Variants in MOB3A observed in about 807,000 individuals in gnomAD.
MOB3A encodes the protein MOB kinase activator 3A.
A neutral mutation model predicts 17.8 loss-of-function variants in MOB3A; 17 were observed. That is an observed-to-expected ratio of 0.95 (90% CI 0.65 to 1.43). The LOEUF (loss-of-function observed/expected upper bound fraction) is 1.43, where lower values mean the gene tolerates loss of function less well. Among genes scored for constraint, MOB3A ranks in the 40% most tolerant of loss-of-function variants. MOB3A has a pLI of 0.00. For synonymous variants in MOB3A, 124 were observed against 133.2 expected, an observed-to-expected ratio of 0.93 and a Z score of 0.48; for missense variants, 333 against 310.8, an observed-to-expected ratio of 1.07 and a Z score of -0.54.
chr19:2,083,861 G>T (rs1369724933), intron 2 of MOB3A, among the ~76,000 whole-genome samples: 2 of 152,222 alleles, frequency 1.3e-5, no homozygotes, highest in African/African-American at 2.4e-5. Flanking sequence ...TGGGCTGACT[G>T]CAGCCATGGG....
intron 1 of MOB3A, among the ~76,000 whole-genome samples, chr19:2,091,527 G>T (rs2017613832): frequency 6.6e-6 from 1 of 150,584 alleles, no homozygotes; most frequent in Non-Finnish European, 1.5e-5. Flanking sequence ...GGGATTACAG[G>T]CGCCCGCCAC....
chr19:2,079,225 C>T (rs2017456001), intron 2 of MOB3A, among the ~76,000 whole-genome samples: 1 of 152,270 alleles, frequency 6.6e-6, no homozygotes, highest in Non-Finnish European at 1.5e-5. Context: ...TTCCCCGGTG[C>T]CGATGCCTGG....
intron 2 of MOB3A, among the ~76,000 whole-genome samples, chr19:2,081,317 GT>G (rs1275970355): frequency 6.6e-6 from 1 of 152,230 alleles, no homozygotes; most frequent in Non-Finnish European, 1.5e-5. Context: ...GCCGGGCGTG[GT>G]GGCTCACGCC....
At chr19:2,081,425 T>C (rs529916785) in intron 2 of MOB3A, among the ~76,000 whole-genome samples, 1 of 151,312 alleles carries the variant, frequency 6.6e-6, no homozygotes, top group East Asian at 2.0e-4. Context: ...CCATCTCTAC[T>C]AAAAATACAA....
intron 4 of MOB3A, among the ~76,000 whole-genome samples, chr19:2,075,990 GCAC>G (rs1191427796): frequency 6.6e-6 from 1 of 152,010 alleles, no homozygotes; most frequent in African/African-American, 2.4e-5. Flanking sequence ...GGGTGTGGTG[GCAC>G]GTGCCTGTAA....
In MOB3A at chr19:2,082,546, C is replaced by T. The variant is rs557281623; in HGVS notation, c.-120+2629G>A. On this transcript the variant is annotated intron_variant, in intron 2 of 4. Transcript: ENST00000357066. This position sits in a 1 kb window ranked among gnomAD's most constrained non-coding sequence, Gnocchi z 4.1. ...CCCTGGACTCTGTGGGTGGATCGGC[C>T]GGGTCTCGAACCCTGGACTCTGTGG... Among the ~76,000 whole-genome samples, 1 of 152,030 alleles carries T rather than the reference C, an allele frequency of 6.6e-6. No homozygotes were observed. Among genetic ancestry groups the T allele is most frequent in the Non-Finnish European group, 1.5e-5 (1 of 67,996 alleles).
intron 1 of MOB3A, among the ~76,000 whole-genome samples, chr19:2,094,204 G>A (rs2017644343): frequency 6.6e-6 from 1 of 151,824 alleles, no homozygotes; most frequent in Non-Finnish European, 1.5e-5. Flanking sequence ...CCGCCGCCAC[G>A]CCCGGCTAAT....
chr19:2,085,721 T>C (rs2017544943), intron 1 of MOB3A: 1 of 151,976 alleles, frequency 6.6e-6, no homozygotes, highest in Admixed American at 6.6e-5. Flanking sequence ...ATCCCAGCAC[T>C]CTGGGAGGCC....
chr19:2,096,236 C>T lies in MOB3A; in HGVS notation c.-284G>A, dbSNP rs1484029405. 1 of 155,640 alleles carries T rather than the reference C, an allele frequency of 6.4e-6. No individual in the cohort carries two copies. Among genetic ancestry groups the T allele is most frequent in the African/African-American group, 2.4e-5 (1 of 41,376 alleles). The allele number at this position is 155,640 out of a possible 1,614,324, so 9.6% of individuals were successfully genotyped here. A position where few individuals can be genotyped will look rare whatever the true frequency, so the allele number is the denominator to read the frequency against. On this transcript the variant is annotated 5_prime_UTR_variant, in exon 1 of 5. Coordinates refer to ENST00000357066, the MANE Select transcript of MOB3A (RefSeq NM_130807.3). Reference sequence around the variant, plus strand: ...CTCCCGGACACCCACCTGATCGCCTCTGCCGCCCGCCTTCGCCCCTCCCGG... The same window carrying T: ...CTCCCGGACACCCACCTGATCGCCTTTGCCGCCCGCCTTCGCCCCTCCCGG...
intron 2 of MOB3A, among the ~76,000 whole-genome samples, chr19:2,080,699 G>A (rs999904583): frequency 6.6e-6 from 1 of 152,238 alleles, no homozygotes; most frequent in East Asian, 1.9e-4. Flanking sequence ...TTGTGACGAA[G>A]TCCTGTCTTG....
chr19:2,075,113 C>T (rs1216738426), intron 4 of MOB3A, among the ~76,000 whole-genome samples: 3 of 151,922 alleles, frequency 2.0e-5, no homozygotes, highest in African/African-American at 7.3e-5. Flanking sequence ...ACTGCAGCCT[C>T]AACCTCCCAG....
rs199687461 is a variant in MOB3A at position 2,078,286 on chromosome 19, G to C, written c.275C>G (p.Ser92Trp). ...GCTEQSCPVM[S>W]GGPKYEYRWQ... Reference sequence around the variant, plus strand: ...GCGGTACTCATACTTGGGGCCCCCCGACATGACGGGGCAGGACTGCTCCGT... The same window carrying C: ...GCGGTACTCATACTTGGGGCCCCCCCACATGACGGGGCAGGACTGCTCCGT... Residue 92 changes from serine to tryptophan, a missense_variant, in exon 3 of 5, where the codon TCG becomes TGG. Transcript: ENST00000357066. 1 of 1,614,144 alleles carries C rather than the reference G, an allele frequency of 6.2e-7. No homozygotes were observed. Among genetic ancestry groups the C allele is most frequent in the Non-Finnish European group, 8.5e-7 (1 of 1,180,010 alleles).
At chr19:2,096,139 T>G (rs1448418152) in intron 1 of MOB3A, 87 bp downstream of exon 1, 1 of 153,404 alleles carries the variant, frequency 6.5e-6, no homozygotes, top group African/African-American at 2.4e-5. Context: ...TCCTGAGAAC[T>G]CGGTCTCCTC....
At position 2,078,182 on chromosome 19, in the gene MOB3A, C is replaced by T. The variant is rs144738923; in HGVS notation, c.379G>A (p.Glu127Lys). ...RYMDLLMDWI[E>K]AQINNEDLFP... ...AGGTCCTCGTTGTTGATCTGCGCCT[C>T]GATCCAGTCCATCAGCAGGTCCATG... The change falls in exon 3 of 5, where the codon GAG becomes AAG. Residue 127 changes from glutamate (E) to lysine (K), a missense_variant. Glu to Lys is a moderately conservative substitution (Grantham distance 56). Coordinates refer to ENST00000357066, the MANE Select transcript of MOB3A (RefSeq NM_130807.3). The T allele has an allele frequency of 2.4e-5, 39 of 1,599,142 alleles. No homozygotes were observed. The African/African-American group carries it at 2.8e-4, about 12-fold the overall frequency.
chr19:2,081,668 G>A (rs1439016291), intron 2 of MOB3A, among the ~76,000 whole-genome samples: 4 of 152,044 alleles, frequency 2.6e-5, no homozygotes, highest in Non-Finnish European at 5.9e-5. Flanking sequence ...GGCGGATCAC[G>A]AGGTCAGGAG....
chr19:2,091,175 G>C (rs2017609806), intron 1 of MOB3A, among the ~76,000 whole-genome samples: 1 of 152,136 alleles, frequency 6.6e-6, no homozygotes, highest in Non-Finnish European at 1.5e-5. Flanking sequence ...GCTTCCTGCA[G>C]AGTCATTCCC....
chr19:2,088,285 G>A (rs182349151), intron 1 of MOB3A, among the ~76,000 whole-genome samples: 3 of 152,054 alleles, frequency 2.0e-5, no homozygotes, highest in Non-Finnish European at 2.9e-5. Context: ...GCAAGGCCGG[G>A]GATCTAACTG....
chr19:2,095,270 G>C (rs1023777346), intron 1 of MOB3A: 1 of 152,412 alleles, frequency 6.6e-6, no homozygotes, highest in Non-Finnish European at 1.5e-5. Context: ...TTGGAGCACT[G>C]ATTTTCTGCT....
At chr19:2,086,333 C>T (rs2017553533) in intron 1 of MOB3A, among the ~76,000 whole-genome samples, 1 of 149,878 alleles carries the variant, frequency 6.7e-6, no homozygotes, top group Admixed American at 6.7e-5. Context: ...AACCATAACG[C>T]CCAGCCTCTG....
Sources: allele counts gnomAD v4.1 joint callset (sites outside exome capture counted in the v4.1 genomes callset), GRCh38; gene constraint gnomAD v4.1.1; non-coding constraint Gnocchi (gnomAD v3.1); transcripts MANE v1.5; gene names NCBI Gene and HGNC (gene_info 2026-07-23, HGNC 2026-07-21).